The following KLF12 variants were observed in gnomAD, a reference collection of about 807,000 sequenced individuals.
The protein encoded by KLF12 is KLF transcription factor 12.
A neutral mutation model predicts 37.8 loss-of-function variants in KLF12; 9 were observed. The ratio of observed to expected loss-of-function variants is 0.24; its 90% CI spans 0.14 to 0.42. The LOEUF (loss-of-function observed/expected upper bound fraction) is 0.42. KLF12 is among the 10% of genes least tolerant of loss of function. KLF12 has a pLI of 1.00. For synonymous variants in KLF12, 208 were observed against 202.1 expected (o/e 1.03, Z -0.25); for missense variants, 411 against 516.0 (o/e 0.80, Z 1.97).
intron 6 of KLF12, among the ~76,000 whole-genome samples, chr13:73,741,749 G>T (rs557440641): frequency 6.6e-6 from 1 of 152,206 alleles, no homozygotes; most frequent in Admixed American, 6.5e-5. Flanking sequence ...ACAAGTTACT[G>T]CTCTTATCTT....
rs187403778 is a variant in KLF12 at position 74,111,710 on chromosome 13, G to T, written c.-32+22029C>A. On this transcript the variant is annotated intron_variant, in intron 1 of 7. Coordinates refer to ENST00000377669, the MANE Select transcript of KLF12 (RefSeq NM_007249.5). Reference sequence around the variant, plus strand: ...GAACATCTCACATTGAAAAACATTTGTGCCAATGGGGAAAAAAGGTCTTTT... The same window carrying T: ...GAACATCTCACATTGAAAAACATTTTTGCCAATGGGGAAAAAAGGTCTTTT... 3.6e-5 allele frequency among the ~76,000 whole-genome samples: 4 copies of T among 110,422 alleles called. No individual in the cohort carries two copies. In the East Asian group the frequency reaches 1.9e-3, roughly 53 times the overall value. The allele number at this position is 110,422 out of a possible 152,430, so 72.4% of individuals were successfully genotyped here.
chr13:73,885,964 C>T (rs991139595), intron 3 of KLF12, among the ~76,000 whole-genome samples: 2 of 152,126 alleles, frequency 1.3e-5, no homozygotes, highest in Admixed American at 1.3e-4. Context: ...TTTTGGCTTA[C>T]AAAACTCGAG....
chr13:73,898,201 C>A (rs988043781), intron 3 of KLF12, among the ~76,000 whole-genome samples: 7 of 152,058 alleles, frequency 4.6e-5, no homozygotes, highest in African/African-American at 1.7e-4. Context: ...TTCATCTTAC[C>A]AAAAATCTTT....
intron 5 of KLF12, among the ~76,000 whole-genome samples, chr13:73,785,957 G>A (rs2138229407): frequency 6.6e-6 from 1 of 152,238 alleles, no homozygotes; most frequent in South Asian, 2.1e-4. Context: ...AAGAGCCTAG[G>A]AAGCTAAAAC....
At chr13:73,825,319 T>C (rs1476396944) in intron 4 of KLF12, among the ~76,000 whole-genome samples, 1 of 152,146 alleles carries the variant, frequency 6.6e-6, no homozygotes, top group Non-Finnish European at 1.5e-5. Flanking sequence ...CTGGCTTGTT[T>C]AGGGAGGTGG....
At chr13:73,723,101 T>C (rs1459254512) in intron 6 of KLF12, among the ~76,000 whole-genome samples, 1 of 152,076 alleles carries the variant, frequency 6.6e-6, no homozygotes, top group Admixed American at 6.6e-5. Flanking sequence ...TTAAAGAGAA[T>C]CAAAATAGAA....
intron 5 of KLF12, among the ~76,000 whole-genome samples, chr13:73,805,083 A>G (rs992529973): frequency 6.6e-6 from 1 of 152,204 alleles, no homozygotes; most frequent in Non-Finnish European, 1.5e-5. Context: ...AGGGTGCAAA[A>G]TAAGTTGACT....
intron 3 of KLF12, among the ~76,000 whole-genome samples, chr13:73,881,948 C>G (rs910559860): frequency 6.6e-6 from 1 of 152,180 alleles, no homozygotes; most frequent in African/African-American, 2.4e-5. Context: ...GTAACTGGGT[C>G]TTTTTCATCC....
chr13:74,282,632 CACA>C, the KLF12 span, among the ~76,000 whole-genome samples: 1 of 152,106 alleles, frequency 6.6e-6, no homozygotes, highest in Non-Finnish European at 1.5e-5. Context: ...TGGGTGACTG[CACA>C]ACAGCATGTG....
chr13:74,115,602 G>A (rs1470132418), intron 1 of KLF12, among the ~76,000 whole-genome samples: 1 of 151,966 alleles, frequency 6.6e-6, no homozygotes, highest in African/African-American at 2.4e-5. Flanking sequence ...CTATTCGGGA[G>A]GCTGAGGAAG....
At chr13:74,180,257 G>T in the KLF12 span, among the ~76,000 whole-genome samples, 2 of 152,212 alleles carry the variant, frequency 1.3e-5, no homozygotes, top group Admixed American at 1.3e-4. Context: ...TCAAAAGACA[G>T]ATTGAGTTGG....
At chr13:74,058,425 C>T (rs1050965977) in intron 1 of KLF12, among the ~76,000 whole-genome samples, 7 of 142,720 alleles carry the variant, frequency 4.9e-5, no homozygotes, top group Non-Finnish European at 6.0e-5. Context: ...GGCATCATCT[C>T]GGCTCACTGC....
intron 5 of KLF12, among the ~76,000 whole-genome samples, chr13:73,774,210 T>C (rs1880442067): frequency 6.6e-6 from 1 of 151,922 alleles, no homozygotes; most frequent in African/African-American, 2.4e-5. Flanking sequence ...GATGTGTTGC[T>C]GCAATAATTT....
At chr13:73,888,265 A>C (rs1218969532) in intron 3 of KLF12, among the ~76,000 whole-genome samples, 2 of 152,088 alleles carry the variant, frequency 1.3e-5, no homozygotes, top group African/African-American at 2.4e-5. Flanking sequence ...TAGCCTCCCA[A>C]ATTGTTGCAA....
chr13:73,850,515 T>C (rs1885279881), intron 3 of KLF12, among the ~76,000 whole-genome samples: 1 of 152,220 alleles, frequency 6.6e-6, no homozygotes, highest in African/African-American at 2.4e-5. Context: ...GATGGTCGTA[T>C]ATTTTAATCA....
the KLF12 span, among the ~76,000 whole-genome samples, chr13:74,266,333 A>G: frequency 6.6e-6 from 1 of 152,308 alleles, no homozygotes; most frequent in Admixed American, 6.5e-5. Context: ...GGACCTTGGT[A>G]GGACTAAATA....
In KLF12 at chr13:73,898,651, GA is replaced by G. The variant is rs200485455; in HGVS notation, c.123+45329del. ...AGGGTGGGGAAAGGAGGTGGACAAG[GA>G]GGGGCTTACCCTAACCAAAGGTAAA... On this transcript the variant is annotated intron_variant, in intron 3 of 7. Coordinates refer to ENST00000377669, the MANE Select transcript of KLF12 (RefSeq NM_007249.5). 2.4e-4 allele frequency among the ~76,000 whole-genome samples: 36 copies of G among 152,258 alleles called. No homozygotes were observed. The East Asian group carries it at 6.8e-3, about 29-fold the overall frequency.
At chr13:73,728,694 T>C (rs919468004) in intron 6 of KLF12, among the ~76,000 whole-genome samples, 2 of 152,250 alleles carry the variant, frequency 1.3e-5, no homozygotes, top group Non-Finnish European at 2.9e-5. Flanking sequence ...GTTTTCTCTA[T>C]TAATGTGGTG....
At chr13:74,303,742 A>G in the KLF12 span, among the ~76,000 whole-genome samples, 4 of 152,032 alleles carry the variant, frequency 2.6e-5, no homozygotes, top group African/African-American at 7.2e-5. Context: ...TCCTCTAGGT[A>G]TTCTTTCAGA....
Sources: gnomAD v4.1 joint callset for allele counts (sites outside exome capture counted in the v4.1 genomes callset) on GRCh38, gnomAD v4.1.1 for gene constraint, MANE v1.5 for transcripts, NCBI Gene and HGNC (gene_info 2026-07-23, HGNC 2026-07-21) for gene names.